ABCA12: variants seen among roughly 807,000 people sequenced by gnomAD.
The protein encoded by ABCA12 is ATP binding cassette subfamily A member 12, also known as glucosylceramide transporter ABCA12.
Under a neutral mutation model 293.5 loss-of-function variants are expected in ABCA12, and 156 were observed. That is an observed-to-expected ratio of 0.53 (90% CI 0.47 to 0.61). The LOEUF (loss-of-function observed/expected upper bound fraction) is 0.61. ABCA12 is among the 20% of genes least tolerant of loss of function. ABCA12 has a pLI of 0.00. For synonymous variants in ABCA12, 1,063 were observed against 1,108.0 expected (o/e 0.96, Z 0.81); for missense variants, 2,797 against 3,090.2 (o/e 0.91, Z 2.25).
chr2:215,110,486 G>A (rs1471489826), intron 2 of ABCA12, among the ~76,000 whole-genome samples: 1 of 152,230 alleles, frequency 6.6e-6, no homozygotes, highest in African/African-American at 2.4e-5. Flanking sequence ...CTGCACTCCA[G>A]CCTGGGCGAC....
chr2:214,947,999 A>G, intron 47 of ABCA12: 1 of 208,024 alleles, frequency 4.8e-6, no homozygotes, highest in Admixed American at 5.3e-5. Context: ...CAGTACCAAA[A>G]CGTTAGCACA....
In ABCA12 at chr2:215,018,052, T is replaced by A; in HGVS notation, c.1738A>T (p.Ile580Phe). The A allele has an allele frequency of 6.2e-7, 1 of 1,614,192 alleles. No individual in the cohort carries two copies. Among genetic ancestry groups the A allele is most frequent in the Non-Finnish European group, 8.5e-7 (1 of 1,180,024 alleles). Residue 580 changes from isoleucine to phenylalanine, a missense_variant, in exon 14 of 53, where the codon ATT becomes TTT. Ile to Phe is a conservative substitution (Grantham distance 21). Coordinates refer to ENST00000272895, the MANE Select transcript of ABCA12 (RefSeq NM_173076.3). Reference sequence around the variant, plus strand: ...ATGGGAATGGCCAGCAACTTGTCAATAGTCCTGTTGGACATTCCTGTTGTT... The same window carrying A: ...ATGGGAATGGCCAGCAACTTGTCAAAAGTCCTGTTGGACATTCCTGTTGTT... ...RRTTGMSNRT[I>F]DKLLAIPIPD...
chr2:214,960,151 A>G (rs1053476409), intron 39 of ABCA12, among the ~76,000 whole-genome samples: 3 of 152,146 alleles, frequency 2.0e-5, no homozygotes, highest in Non-Finnish European at 4.4e-5. Context: ...TGAGTTCTGT[A>G]ACTCTTGTAT....
rs373184337 is a variant in ABCA12 at position 215,025,031 on chromosome 2, C to T, written c.1287+642G>A. 1.7e-3 allele frequency among the ~76,000 whole-genome samples: 266 copies of T among 152,018 alleles called. 1 individual carries two copies. The highest frequency in any genetic ancestry group is 6.1e-3 in the African/African-American group (251 of 41,482). ...TGACAACAATAAAAGTAGGGTGAAC[C>T]ACATTTTGAGATTTTTGTATGCTGT... On this transcript the variant is annotated intron_variant, in intron 11 of 52. Coordinates refer to ENST00000272895, the MANE Select transcript of ABCA12 (RefSeq NM_173076.3).
chr2:215,036,197 T>G (rs1700988146), intron 8 of ABCA12, among the ~76,000 whole-genome samples: 1 of 152,226 alleles, frequency 6.6e-6, no homozygotes, highest in Non-Finnish European at 1.5e-5. Context: ...GACCCTCCAG[T>G]GAGAATTCTT....
At chr2:214,983,541 G>GCA (rs1184408113) in intron 29 of ABCA12, 106 bp downstream of exon 29, 2 of 993,232 alleles carry the variant, frequency 2.0e-6, no homozygotes, top group African/African-American at 1.6e-5. Flanking sequence ...TAATTATTTC[G>GCA]TGAGAAAATA....
chr2:215,007,943 G>C, intron 18 of ABCA12, 97 bp from the exon 19 acceptor site: 1 of 1,493,878 alleles, frequency 6.7e-7, no homozygotes, highest in African/African-American at 1.4e-5. Context: ...AACTTCAAAA[G>C]ACAGTTCTAA....
chr2:215,055,193 C>T (rs1701395920), intron 3 of ABCA12, among the ~76,000 whole-genome samples: 1 of 152,020 alleles, frequency 6.6e-6, no homozygotes, highest in Admixed American at 6.6e-5. Flanking sequence ...TGGTTGATGT[C>T]ATCACAGATG....
intron 7 of ABCA12, among the ~76,000 whole-genome samples, chr2:215,045,231 G>A (rs6753150): frequency 0.14 from 21,911 of 152,042 alleles, 4,768 homozygotes; most frequent in African/African-American, 0.47. Flanking sequence ...AATACTGGCC[G>A]TGCCCAGATC....
Position 214,986,709 on chromosome 2 carries a change from G to C in ABCA12, c.3996C>G (p.Ser1332=). The change falls in exon 28 of 53, where the codon TCC becomes TCG. Residue 1332 remains serine (S), a synonymous_variant. Coordinates refer to ENST00000272895, the MANE Select transcript of ABCA12 (RefSeq NM_173076.3). The part of the protein sequence containing the change: ...NPSASPEYMF[S]SNIEPEPKDL... ...CTTTAGGTTCAGGCTCGATGTTAGA[G>C]GAAAACATGTATTCAGGACCTGGAG... The C allele has an allele frequency of 6.2e-7, 1 of 1,614,010 alleles. No homozygotes were observed. The highest frequency in any genetic ancestry group is 8.5e-7 in the Non-Finnish European group (1 of 1,179,970).
intron 1 of ABCA12, among the ~76,000 whole-genome samples, chr2:215,114,487 A>G (rs903406700): frequency 2.0e-5 from 3 of 152,160 alleles, no homozygotes; most frequent in Non-Finnish European, 4.4e-5. Flanking sequence ...AACTTGTCCA[A>G]AGTCATATAT....
Position 214,976,009 on chromosome 2 carries a change from C to G in ABCA12, c.5157G>C (p.Leu1719=), listed in dbSNP as rs1240361992. ...DDKILTRGER[L]DGFGLLLKKI... ...TCTTCAGCAACAGTCCAAAGCCATC[C>G]AGCCTCTCTCCTCTTGTCAGGATTT... Residue 1719 remains leucine (L), a synonymous_variant, in exon 34 of 53, where the codon CTG becomes CTC. Transcript: ENST00000272895. 5.0e-6 allele frequency: 8 copies of G among 1,614,020 alleles called. No individual in the cohort carries two copies. The highest frequency in any genetic ancestry group is 6.8e-6 in the Non-Finnish European group (8 of 1,179,974).
chr2:215,064,305 TA>T lies in ABCA12; in HGVS notation c.164-87del, dbSNP rs10707207. 799,378 of 1,399,570 alleles carry T rather than the reference TA, an allele frequency of 0.57. 232,401 individuals carry two copies. The highest frequency in any genetic ancestry group is 0.76 in the African/African-American group (52,664 of 69,386). 86.7% of individuals were successfully genotyped at this position (1,399,570 alleles called of 1,614,324 possible). A position where few individuals can be genotyped will look rare whatever the true frequency, so the allele number is the denominator to read the frequency against. ...ATGCAGTAACTCCACTTTGTGAAGTTAACCTCCTGGATTACCACTCTCCGGG... is the reference window on the plus strand; with the variant it reads ...ATGCAGTAACTCCACTTTGTGAAGTTACCTCCTGGATTACCACTCTCCGGG... On this transcript the variant is annotated intron_variant, in intron 2 of 52. Coordinates refer to ENST00000272895, the MANE Select transcript of ABCA12 (RefSeq NM_173076.3).
rs762392377 is a variant in ABCA12 at position 215,007,600 on chromosome 2, C to G, written c.2592+127G>C. 3.2e-6 allele frequency: 4 copies of G among 1,263,726 alleles called. No homozygotes were observed. The African/African-American group carries it at 5.9e-5, about 19-fold the overall frequency. 78.3% of individuals were successfully genotyped at this position (1,263,726 alleles called of 1,614,324 possible). A position where few individuals can be genotyped will look rare whatever the true frequency, so the allele number is the denominator to read the frequency against. On this transcript the variant is annotated intron_variant, in intron 19 of 52. Coordinates refer to ENST00000272895, the MANE Select transcript of ABCA12 (RefSeq NM_173076.3). ...AGTTACCCTGTCTCAGACCTTCTCT[C>G]TGGAAGAGAGGCAATTTAATCTGTT...
At position 214,970,253 on chromosome 2, in the gene ABCA12, T is replaced by A. The variant is rs1238619495; in HGVS notation, c.5690+20A>T. On this transcript the variant is annotated intron_variant, in intron 37 of 52. Coordinates refer to ENST00000272895, the MANE Select transcript of ABCA12 (RefSeq NM_173076.3). ...TAAAATTAGCAAGCAATTAAATATGTTATAAACAGATTATTTTACCTTTTT... is the reference window on the plus strand; with the variant it reads ...TAAAATTAGCAAGCAATTAAATATGATATAAACAGATTATTTTACCTTTTT... 6.2e-7 allele frequency: 1 copy of A among 1,608,306 alleles called. No homozygotes were observed. Among genetic ancestry groups the A allele is most frequent in the South Asian group, 1.1e-5 (1 of 90,526 alleles).
intron 1 of ABCA12, among the ~76,000 whole-genome samples, chr2:215,130,295 T>A (rs1263430791): frequency 6.6e-6 from 1 of 152,114 alleles, no homozygotes; most frequent in African/African-American, 2.4e-5. Context: ...TTACATTAAG[T>A]CTATAGATTG....
intron 2 of ABCA12, among the ~76,000 whole-genome samples, chr2:215,100,680 C>T (rs1375519263): frequency 6.6e-6 from 1 of 152,010 alleles, no homozygotes; most frequent in Non-Finnish European, 1.5e-5. Context: ...TTTACAATTC[C>T]ATCGTAAGCA....
At chr2:214,975,090 G>A (rs1300339412) in intron 34 of ABCA12, among the ~76,000 whole-genome samples, 3 of 152,084 alleles carry the variant, frequency 2.0e-5, no homozygotes, top group African/African-American at 7.2e-5. Context: ...TCAGACACCC[G>A]AATTGCTGAT....
chr2:215,001,158 C>T (rs185766442), intron 21 of ABCA12, 138 bp from the exon 22 acceptor site: 14 of 864,668 alleles, frequency 1.6e-5, no homozygotes, highest in Middle Eastern at 3.5e-4. Context: ...TCTTAATTTA[C>T]AGAAAACATG....
Sources: gnomAD v4.1 joint callset for allele counts (sites outside exome capture counted in the v4.1 genomes callset) on GRCh38, gnomAD v4.1.1 for gene constraint, MANE v1.5 for transcripts, NCBI Gene and HGNC (gene_info 2026-07-23, HGNC 2026-07-21) for gene names.